PALD1: variants seen among roughly 807,000 people sequenced by gnomAD.
PALD1 encodes paladin.
In PALD1, 57 loss-of-function variants were observed where a neutral mutation model predicts 96.0. That is an observed-to-expected ratio of 0.59 (90% CI 0.48 to 0.74). The LOEUF is 0.74. Among genes scored for constraint, PALD1 ranks in the 30% least tolerant of loss-of-function variants. The pLI, the probability that PALD1 is intolerant of heterozygous loss-of-function variation, is 0.00. For synonymous variants in PALD1, 464 were observed against 473.6 expected (o/e 0.98, Z 0.26); for missense variants, 1,063 against 1,143.7 (o/e 0.93, Z 1.02).
chr10:70,553,288 C>CA (rs1366977601), intron 18 of PALD1, among the ~76,000 whole-genome samples: 1 of 152,128 alleles, frequency 6.6e-6, no homozygotes, highest in Non-Finnish European at 1.5e-5. Flanking sequence ...TCCCTGTCTC[C>CA]AGTGGATGGG....
chr10:70,526,243 C>T lies in PALD1; in HGVS notation c.185+107C>T, dbSNP rs958826684. 1.1e-4 allele frequency: 97 copies of T among 883,246 alleles called. No homozygotes were observed. The East Asian group carries it at 2.2e-3, about 20-fold the overall frequency. The allele number at this position is 883,246 out of a possible 1,614,324, so 54.7% of individuals were successfully genotyped here. A position where few individuals can be genotyped will look rare whatever the true frequency, so the allele number is the denominator to read the frequency against. The stretch of plus-strand genomic sequence containing the variant: ...GCACTTAACGCTTGCAGACTGGATT[C>T]GGGTTCATAGATGATGACACTGAGG... On this transcript the variant is annotated intron_variant, in intron 2 of 19. Coordinates refer to ENST00000263563, the MANE Select transcript of PALD1 (RefSeq NM_014431.3).
chr10:70,460,217 C>T, the PALD1 span, among the ~76,000 whole-genome samples: 1 of 152,184 alleles, frequency 6.6e-6, no homozygotes, highest in Admixed American at 6.5e-5. Context: ...GAAGCCCGCC[C>T]TCCAAGGCTG....
chr10:70,566,928 T>G lies in PALD1; in HGVS notation c.*195T>G. The G allele has an allele frequency of 1.8e-6, 1 of 559,616 alleles. No individual in the cohort carries two copies. The highest frequency in any genetic ancestry group is 3.0e-5 in the East Asian group (1 of 33,346). 34.7% of individuals were successfully genotyped at this position (559,616 alleles called of 1,614,324 possible). A position where few individuals can be genotyped will look rare whatever the true frequency, so the allele number is the denominator to read the frequency against. On this transcript the variant is annotated 3_prime_UTR_variant, in exon 20 of 20. Transcript: ENST00000263563. ...GACAGGGAGACAGCACAGCCATCCC[T>G]TGCAAACCACCAAGGTGTGTGGCTG...
At chr10:70,498,816 T>C (rs117514682) in intron 1 of PALD1, among the ~76,000 whole-genome samples, 6,461 of 151,970 alleles carry the variant, frequency 0.043, 220 homozygotes, top group Non-Finnish European at 0.068. Flanking sequence ...TAAACCCAGC[T>C]ACTTTTGAGG....
chr10:70,519,021 G>A (rs1283710562), intron 1 of PALD1, among the ~76,000 whole-genome samples: 1 of 152,246 alleles, frequency 6.6e-6, no homozygotes, highest in Non-Finnish European at 1.5e-5. Flanking sequence ...TTCTGTCCTT[G>A]TGGCCACTTG....
intron 1 of PALD1, among the ~76,000 whole-genome samples, chr10:70,513,505 A>G (rs1846559476): frequency 6.6e-6 from 1 of 151,640 alleles, no homozygotes; most frequent in African/African-American, 2.4e-5. Context: ...GTGAGAATCC[A>G]TCTCAAAAGA....
chr10:70,566,647 G>A lies in PALD1; in HGVS notation c.2485G>A (p.Glu829Lys). 2 of 1,610,210 alleles carry A rather than the reference G, an allele frequency of 1.2e-6. No individual in the cohort carries two copies. Among genetic ancestry groups the A allele is most frequent in the Non-Finnish European group, 1.7e-6 (2 of 1,178,810 alleles). Residue 829 changes from glutamate (E) to lysine (K), a missense_variant, in exon 20 of 20, where the codon GAG becomes AAG. Physicochemically the swap from Glu to Lys is moderately conservative, Grantham distance 56. Transcript: ENST00000263563. ...ELGFPELESG[E>K]DQPFSRLRYR... ...GGGCTTCCCCGAGCTGGAGAGCGGG[G>A]AGGACCAGCCCTTCTCCAGGCTGCG...
Position 70,510,734 on chromosome 10 carries a change from A to C in PALD1, c.-29-15189A>C, listed in dbSNP as rs564754125. Among the ~76,000 whole-genome samples the C allele has an allele frequency of 5.3e-5, 8 of 152,372 alleles. No individual in the cohort carries two copies. The South Asian group carries it at 1.7e-3, about 32-fold the overall frequency. Reference sequence around the variant, plus strand: ...GAGGGAAAAGGAGAGACTGCCCTCCAGATGCAGAGAGGCTTGTGGTCTTTC... The same window carrying C: ...GAGGGAAAAGGAGAGACTGCCCTCCCGATGCAGAGAGGCTTGTGGTCTTTC... On this transcript the variant is annotated intron_variant, in intron 1 of 19. Coordinates refer to ENST00000263563, the MANE Select transcript of PALD1 (RefSeq NM_014431.3).
At position 70,566,747 on chromosome 10, in the gene PALD1, C is replaced by CT; in HGVS notation, c.*15dup. 1 of 1,559,390 alleles carries CT rather than the reference C, an allele frequency of 6.4e-7. No individual in the cohort carries two copies. The highest frequency in any genetic ancestry group is 2.3e-5 in the East Asian group (1 of 43,400). On this transcript the variant is annotated 3_prime_UTR_variant, in exon 20 of 20. Transcript: ENST00000263563. ...GACTTGCTGTAGGGGGCCTTACTCCCTGTCCCCCCACCCACAGGGCCCCAC... is the reference window on the plus strand; with the variant it reads ...GACTTGCTGTAGGGGGCCTTACTCCCTTGTCCCCCCACCCACAGGGCCCCAC...
chr10:70,471,962 T>C, the PALD1 span, among the ~76,000 whole-genome samples: 1 of 152,228 alleles, frequency 6.6e-6, no homozygotes, highest in Non-Finnish European at 1.5e-5. Context: ...GGCTTCTTCA[T>C]GCCCGAAGCT....
chr10:70,497,702 G>T (rs1461804307), intron 1 of PALD1, among the ~76,000 whole-genome samples: 1 of 151,998 alleles, frequency 6.6e-6, no homozygotes, highest in Admixed American at 6.5e-5. Context: ...GAGTAGCTGG[G>T]ACTACAGGCG....
intron 1 of PALD1, among the ~76,000 whole-genome samples, chr10:70,493,356 C>T (rs2132274863): frequency 6.6e-6 from 1 of 152,368 alleles, no homozygotes; most frequent in East Asian, 1.9e-4. Context: ...TGAAGGAGGT[C>T]TGTGAGCAGC....
At chr10:70,561,204 A>G (rs1415507019) in intron 18 of PALD1, among the ~76,000 whole-genome samples, 1 of 152,178 alleles carries the variant, frequency 6.6e-6, no homozygotes, top group African/African-American at 2.4e-5. Context: ...CTCCATCCCC[A>G]CGGCTGTGGG....
At chr10:70,541,369 C>A (rs960659354) in intron 16 of PALD1, 94 bp from the exon 17 acceptor site, 2 of 1,525,408 alleles carry the variant, frequency 1.3e-6, no homozygotes, top group Non-Finnish European at 1.8e-6. Context: ...CCCAGAGCCC[C>A]TTCCATCAGT....
At chr10:70,476,480 C>A (rs1454724470), upstream of PALD1, among the ~76,000 whole-genome samples, 1 of 152,206 alleles carries the variant, frequency 6.6e-6, no homozygotes, top group East Asian at 1.9e-4. Context: ...ACTCGCTATT[C>A]TGAGTAGGGA....
the PALD1 span, among the ~76,000 whole-genome samples, chr10:70,460,398 G>A: frequency 1.3e-5 from 2 of 152,104 alleles, no homozygotes; most frequent in Admixed American, 6.5e-5. Flanking sequence ...TCTCCCGTGG[G>A]CTCCCTCACA....
chr10:70,524,692 C>G (rs766118777), intron 1 of PALD1, among the ~76,000 whole-genome samples: 5 of 152,214 alleles, frequency 3.3e-5, no homozygotes, highest in African/African-American at 9.7e-5. Context: ...GCAACCTGCT[C>G]TGTCCTAGAT....
chr10:70,462,357 C>T, the PALD1 span, among the ~76,000 whole-genome samples: 1 of 152,246 alleles, frequency 6.6e-6, no homozygotes, highest in Non-Finnish European at 1.5e-5. Flanking sequence ...CTAATCTATG[C>T]CTCCCCTGTA....
Position 70,533,934 on chromosome 10 carries a change from C to G in PALD1, c.883C>G (p.Leu295Val), listed in dbSNP as rs751226153. The G allele has an allele frequency of 2.5e-6, 4 of 1,600,946 alleles. No individual in the cohort carries two copies. The highest frequency in any genetic ancestry group is 2.2e-5 in the South Asian group (2 of 89,444). The change falls in exon 8 of 20, where the codon CTG becomes GTG. Residue 295 changes from leucine (L) to valine (V), a missense_variant. By Grantham distance (32) the Leu-to-Val change is conservative. Transcript: ENST00000263563. ...TGGTCTTTCCCAGGAGACCCCCAGC[C>G]TGCTGCAGCTCCGTGATGCCCACGG... ...FVSVLRETPS[L>V]LQLRDAHGPP...
Sources: gnomAD v4.1 joint callset for allele counts (sites outside exome capture counted in the v4.1 genomes callset) on GRCh38, gnomAD v4.1.1 for gene constraint, MANE v1.5 for transcripts, NCBI Gene and HGNC (gene_info 2026-07-23, HGNC 2026-07-21) for gene names.